The following RNF150 variants were observed in gnomAD, a reference collection of about 807,000 sequenced individuals.
The protein encoded by RNF150 is ring finger protein 150.
Under a neutral mutation model 39.3 loss-of-function variants are expected in RNF150, and 24 were observed. That is an observed-to-expected ratio of 0.61 (90% CI 0.44 to 0.86). RNF150 has a LOEUF of 0.86. Ranked by LOEUF, RNF150 falls within the 40% of genes least tolerant of loss-of-function variation. The pLI is 0.00. For synonymous variants in RNF150, 255 were observed against 227.3 expected (o/e 1.12, Z -1.10); for missense variants, 502 against 587.8 (o/e 0.85, Z 1.51).
chr4:141,100,196 C>A (rs987524075), intron 1 of RNF150, among the ~76,000 whole-genome samples: 1 of 152,162 alleles, frequency 6.6e-6, no homozygotes, highest in Non-Finnish European at 1.5e-5. Flanking sequence ...ATTTGCCTAG[C>A]TCTTTAGTGT....
At position 140,862,309 on chromosome 4, in the gene RNF150, G is replaced by A. The variant is rs947840120; in HGVS notation, c.*5952C>T. On this transcript the variant is annotated 3_prime_UTR_variant, in exon 7 of 7. Coordinates refer to ENST00000515673, the MANE Select transcript of RNF150 (RefSeq NM_020724.2). ...AGGTGGCCACAGAGCAAATGGCTCT[G>A]TATTAAGTGCAAACGTCAGTGGTAG... 3.2e-4 allele frequency: 48 copies of A among 152,316 alleles called. No individual in the cohort carries two copies. Among genetic ancestry groups the A allele is most frequent in the African/African-American group, 1.1e-3 (46 of 41,570 alleles). 9.4% of individuals were successfully genotyped at this position (152,316 alleles called of 1,614,324 possible).
intron 1 of RNF150, among the ~76,000 whole-genome samples, chr4:141,096,775 C>T (rs991016551): frequency 2.0e-5 from 3 of 152,220 alleles, no homozygotes; most frequent in Admixed American, 6.5e-5. Flanking sequence ...ACCACATATT[C>T]CGTTACACAG....
Position 140,864,459 on chromosome 4 carries a change from G to A in RNF150, c.*3802C>T, listed in dbSNP as rs1728622374. On this transcript the variant is annotated 3_prime_UTR_variant, in exon 7 of 7. Transcript: ENST00000515673. ...CTTCCCCATAGCATTGGGGTGGCAG[G>A]TGGATGCTGACTTGGAGTAAAATGC... The A allele has an allele frequency of 6.6e-6, 1 of 152,250 alleles. No homozygotes were observed. The allele number at this position is 152,250 out of a possible 1,614,324, so 9.4% of individuals were successfully genotyped here.
chr4:141,065,429 G>A (rs1737415738), intron 1 of RNF150, among the ~76,000 whole-genome samples: 1 of 151,990 alleles, frequency 6.6e-6, no homozygotes, highest in East Asian at 1.9e-4. Context: ...ATTAGAAAGA[G>A]TTTACAAAAT....
chr4:141,162,618 T>C (rs867648895), intron 1 of RNF150, among the ~76,000 whole-genome samples: 17 of 151,926 alleles, frequency 1.1e-4, no homozygotes, highest in Non-Finnish European at 1.9e-4. Context: ...GCTCATCCCA[T>C]TGGGACTGGT....
At chr4:140,927,733 C>CG (rs1731453386) in intron 4 of RNF150, among the ~76,000 whole-genome samples, 1 of 148,638 alleles carries the variant, frequency 6.7e-6, no homozygotes, top group Non-Finnish European at 1.5e-5. Context: ...ACTTCAACCT[C>CG]TACCTCCCGG....
At chr4:141,143,217 G>A (rs1290545178) in intron 1 of RNF150, among the ~76,000 whole-genome samples, 1 of 152,030 alleles carries the variant, frequency 6.6e-6, no homozygotes, top group Non-Finnish European at 1.5e-5. Flanking sequence ...TTTTCTTTGA[G>A]CCCCAGACTC....
intron 1 of RNF150, among the ~76,000 whole-genome samples, chr4:140,976,442 G>A (rs886766462): frequency 4.0e-5 from 6 of 151,750 alleles, no homozygotes; most frequent in Non-Finnish European, 2.9e-5. Context: ...GCCAGTACTC[G>A]AGCCTGTCCA....
At chr4:140,953,871 C>T (rs1732642193) in intron 2 of RNF150, among the ~76,000 whole-genome samples, 1 of 152,094 alleles carries the variant, frequency 6.6e-6, no homozygotes, top group Admixed American at 6.5e-5. Flanking sequence ...CTTACTGTTG[C>T]TTTTGTAATT....
intron 1 of RNF150, among the ~76,000 whole-genome samples, chr4:140,974,078 CTG>C (rs1238606817): frequency 6.6e-6 from 1 of 151,948 alleles, no homozygotes; most frequent in East Asian, 1.9e-4. Context: ...TTAAATGTCT[CTG>C]TGTTTAATTC....
chr4:140,892,157 AT>A (rs201847177), intron 6 of RNF150, among the ~76,000 whole-genome samples: 1 of 151,238 alleles, frequency 6.6e-6, no homozygotes, highest in East Asian at 1.9e-4. Context: ...TTGGATTGAG[AT>A]TTTTTTGTCC....
chr4:141,108,144 C>T (rs912776830), intron 1 of RNF150, among the ~76,000 whole-genome samples: 1 of 152,206 alleles, frequency 6.6e-6, no homozygotes, highest in Admixed American at 6.5e-5. Context: ...ATATAGCTCA[C>T]ATCTCTGCAG....
rs71584391 is a variant in RNF150, at chr4:141,044,771, G to GCACACACACACACACA, written c.485-76899_485-76898insTGTGTGTGTGTGTGTG. Among the ~76,000 whole-genome samples, 575 of 146,634 alleles carry GCACACACACACACACA rather than the reference G, an allele frequency of 3.9e-3. 3 individuals carry two copies. Among genetic ancestry groups the GCACACACACACACACA allele is most frequent in the African/African-American group, 0.014 (534 of 38,454 alleles). On this transcript the variant is annotated intron_variant, in intron 1 of 6. Coordinates refer to ENST00000515673, the MANE Select transcript of RNF150 (RefSeq NM_020724.2). Reference sequence around the variant, plus strand: ...GAGCTCATGCATGCGGGTGTGCAGCGCACACACACACGCACACACACACAC... The same window carrying GCACACACACACACACA: ...GAGCTCATGCATGCGGGTGTGCAGCGCACACACACACACACACACACACACACGCACACACACACAC...
chr4:140,898,867 T>C (rs1260396868), intron 6 of RNF150, among the ~76,000 whole-genome samples: 1 of 152,228 alleles, frequency 6.6e-6, no homozygotes, highest in African/African-American at 2.4e-5. Context: ...GGAGTGTAAG[T>C]GCAGCCAATA....
chr4:140,912,698 A>G (rs1293327151), intron 5 of RNF150, among the ~76,000 whole-genome samples: 1 of 152,150 alleles, frequency 6.6e-6, no homozygotes, highest in East Asian at 1.9e-4. Context: ...AACACATCAA[A>G]TTCAGTTTAT....
chr4:140,888,555 G>A (rs149668385), intron 6 of RNF150, among the ~76,000 whole-genome samples: 112 of 152,316 alleles, frequency 7.4e-4, no homozygotes, highest in Middle Eastern at 3.4e-3. Flanking sequence ...TCCTTGCTAT[G>A]AGTTTAGGGT....
intron 1 of RNF150, among the ~76,000 whole-genome samples, chr4:141,118,018 C>T (rs1026229701): frequency 1.3e-5 from 2 of 152,182 alleles, no homozygotes; most frequent in East Asian, 1.9e-4. Context: ...AGCTCAATGG[C>T]TATTTAGAAT....
rs932486000 is a variant in RNF150 at position 140,861,456 on chromosome 4, T to C, written c.*6805A>G. 2.6e-5 allele frequency: 4 copies of C among 152,200 alleles called. No individual in the cohort carries two copies. The South Asian group carries it at 8.3e-4, about 31-fold the overall frequency. 9.4% of individuals were successfully genotyped at this position (152,200 alleles called of 1,614,324 possible). A position where few individuals can be genotyped will look rare whatever the true frequency, so the allele number is the denominator to read the frequency against. ...ACCAAATTCTCAACTACCGAAGAAA[T>C]TGTATGATGAAAGGCAAGTAACTGG... On this transcript the variant is annotated 3_prime_UTR_variant, in exon 7 of 7. Transcript: ENST00000515673.
chr4:141,086,061 CA>C lies in RNF150; in HGVS notation c.484+46263del, dbSNP rs1239151654. On this transcript the variant is annotated intron_variant, in intron 1 of 6. Coordinates refer to ENST00000515673, the MANE Select transcript of RNF150 (RefSeq NM_020724.2). Reference sequence around the variant, plus strand: ...ACACACACACACACACACACACACACACACACACCCTTCTAGGTGCCAGTGG... The same window carrying C: ...ACACACACACACACACACACACACACCACACACCCTTCTAGGTGCCAGTGG... Among the ~76,000 whole-genome samples the C allele has an allele frequency of 2.2e-4, 34 of 151,580 alleles. No homozygotes were observed. In the East Asian group the frequency reaches 5.3e-3, roughly 23 times the overall value.
Sources: gnomAD v4.1 joint callset for allele counts (sites outside exome capture counted in the v4.1 genomes callset) on GRCh38, gnomAD v4.1.1 for gene constraint, MANE v1.5 for transcripts, NCBI Gene and HGNC (gene_info 2026-07-23, HGNC 2026-07-21) for gene names.